ARAP2: variants seen among roughly 807,000 people sequenced by gnomAD.
ARAP2 encodes arf-GAP with Rho-GAP domain, ANK repeat and PH domain-containing protein 2.
ARAP2 carries 148 observed loss-of-function variants against 194.5 expected under a neutral mutation model. The observed-to-expected ratio is 0.76, with a 90% CI of 0.67 to 0.87. ARAP2 has a LOEUF of 0.87. Among genes scored for constraint, ARAP2 ranks in the 40% least tolerant of loss-of-function variants. The pLI is 0.00. For synonymous variants in ARAP2, 695 were observed against 683.5 expected (o/e 1.02, Z -0.26); for missense variants, 2,128 against 1,989.7 (o/e 1.07, Z -1.32).
At chr4:36,105,914 T>C (rs1390927804) in intron 27 of ARAP2, among the ~76,000 whole-genome samples, 3 of 151,836 alleles carry the variant, frequency 2.0e-5, no homozygotes, top group Admixed American at 6.6e-5. Context: ...TGTTGCAACA[T>C]GGAGAATTAG....
chr4:36,010,599 C>T (rs1455319012), intron 9 of ARAP2, among the ~76,000 whole-genome samples: 2 of 152,156 alleles, frequency 1.3e-5, no homozygotes, highest in Non-Finnish European at 2.9e-5. Context: ...TTCTCTCACC[C>T]AGTTGCCATC....
At chr4:36,057,222 T>C (rs1207544821) in intron 2 of ARAP2, among the ~76,000 whole-genome samples, 2 of 151,996 alleles carry the variant, frequency 1.3e-5, no homozygotes, top group Admixed American at 6.6e-5. Flanking sequence ...TTTCCTCTTT[T>C]ATGGTGAGAG....
chr4:36,175,063 T>C (rs978087653), intron 9 of ARAP2, among the ~76,000 whole-genome samples: 1 of 152,220 alleles, frequency 6.6e-6, no homozygotes, highest in Non-Finnish European at 1.5e-5. Flanking sequence ...ATTCATGCTA[T>C]TAAGTTATGT....
At chr4:36,156,389 GAGAAAGAAAGAAAGAA>G (rs1190805215) in intron 15 of ARAP2, among the ~76,000 whole-genome samples, 215 of 12,574 alleles carry the variant, frequency 0.017, 8 homozygotes, top group Non-Finnish European at 0.024. Flanking sequence ...AAGAGAGAGA[GAGAAAGAAAGAAAGAA>G]AGAAAGAAAG....
rs549291267 is a variant in ARAP2, at chr4:36,142,402, C to G, written c.3263+4894G>C. On this transcript the variant is annotated intron_variant, in intron 19 of 32. Transcript: ENST00000303965. ...ACATATATGCCCTTTCTGGGTCAAA[C>G]CCCTTACCTCGTTAATCCTATGAAC... Among the ~76,000 whole-genome samples, 52 of 151,580 alleles carry G rather than the reference C, an allele frequency of 3.4e-4. 2 individuals carry two copies. In the South Asian group the frequency reaches 7.1e-3, roughly 21 times the overall value.
intron 27 of ARAP2, among the ~76,000 whole-genome samples, chr4:36,099,469 TA>T (rs1716263401): frequency 6.6e-6 from 1 of 152,092 alleles, no homozygotes; most frequent in African/African-American, 2.4e-5. Context: ...CCCATTACAA[TA>T]TCGTACGCCT....
chr4:36,082,433 C>A, intron 29 of ARAP2, 147 bp from the exon 30 acceptor site: 1 of 772,950 alleles, frequency 1.3e-6, no homozygotes, highest in Non-Finnish European at 2.1e-6. Context: ...TTGGACTTAG[C>A]TAGAGGTGAA....
At chr4:36,031,080 A>G (rs1718871864) in intron 5 of ARAP2, among the ~76,000 whole-genome samples, 1 of 152,236 alleles carries the variant, frequency 6.6e-6, no homozygotes, top group Admixed American at 6.5e-5. Context: ...CAGTGAGCCA[A>G]GATCGTGCCA....
chr4:36,169,109 TA>T (rs540744790), intron 9 of ARAP2, among the ~76,000 whole-genome samples: 1 of 152,204 alleles, frequency 6.6e-6, no homozygotes, highest in Non-Finnish European at 1.5e-5. Flanking sequence ...CAAGATAAGA[TA>T]TTTTTAAAAC....
At chr4:36,205,601 GAAA>G (rs34235282) in intron 6 of ARAP2, among the ~76,000 whole-genome samples, 6,934 of 148,338 alleles carry the variant, frequency 0.047, 531 homozygotes, top group African/African-American at 0.16. Context: ...ATGGTGTCCT[GAAA>G]AAAAAAAAAA....
rs560995730 is a variant in ARAP2, at chr4:36,197,282, A to G, written c.1488-3635T>C. Among the ~76,000 whole-genome samples the G allele has an allele frequency of 3.5e-4, 53 of 152,298 alleles. No individual in the cohort carries two copies. The South Asian group carries it at 0.01, about 29-fold the overall frequency. ...GAATCCATTTCTGTTTCGTTCATCAATATAAAACCAGTGACTATCATAGTT... is the reference window on the plus strand; with the variant it reads ...GAATCCATTTCTGTTTCGTTCATCAGTATAAAACCAGTGACTATCATAGTT... On this transcript the variant is annotated intron_variant, in intron 6 of 32. Coordinates refer to ENST00000303965, the MANE Select transcript of ARAP2 (RefSeq NM_015230.4).
chr4:36,204,987 CAAAAAAAAAAAAAAAAAAAAAAAA>C (rs754960122), intron 6 of ARAP2, among the ~76,000 whole-genome samples: 1 of 35,072 alleles, frequency 2.9e-5, no homozygotes, highest in African/African-American at 1.3e-4. Flanking sequence ...GACTCCATCT[CAAAAAAAAAAAAAAAAAAAAAAAA>C]AAAAAAAAAA....
Position 36,228,233 on chromosome 4 carries a change from T to C in ARAP2, c.905+349A>G, listed in dbSNP as rs76732245. 9.8e-3 allele frequency among the ~76,000 whole-genome samples: 1,489 copies of C among 152,178 alleles called. 12 individuals carry two copies. The highest frequency in any genetic ancestry group is 0.016 in the Non-Finnish European group (1,120 of 67,992). On this transcript the variant is annotated intron_variant, in intron 2 of 32. Transcript: ENST00000303965. Reference sequence around the variant, plus strand: ...TCTCTGTCAAAGAACAAATCATCTATTGGGGAGAGAGAGTCAACATTTCAA... The same window carrying C: ...TCTCTGTCAAAGAACAAATCATCTACTGGGGAGAGAGAGTCAACATTTCAA...
chr4:36,151,101 A>T (rs1324358062), intron 15 of ARAP2, 57 bp from the exon 16 acceptor site: 118 of 1,429,890 alleles, frequency 8.3e-5, no homozygotes, highest in Non-Finnish European at 1.1e-4. Flanking sequence ...TCCAATTTTA[A>T]AAACAAAAAC....
Position 36,083,003 on chromosome 4 carries a change from C to T in ARAP2, c.4508+365G>A, listed in dbSNP as rs546982966. Among the ~76,000 whole-genome samples, 8 of 152,218 alleles carry T rather than the reference C, an allele frequency of 5.3e-5. 1 individual carries two copies. The East Asian group carries it at 1.5e-3, about 29-fold the overall frequency. ...GAAGCTGGAGGGCAGCATTTGCTTTCCTGTGTTGTAGACTTGCCTGAGATG... is the reference window on the plus strand; with the variant it reads ...GAAGCTGGAGGGCAGCATTTGCTTTTCTGTGTTGTAGACTTGCCTGAGATG... On this transcript the variant is annotated intron_variant, in intron 29 of 32. Transcript: ENST00000303965.
chr4:36,015,615 A>T (rs1715642646), exon 8 of ARAP2: 1 of 152,194 alleles, frequency 6.6e-6, no homozygotes, highest in Non-Finnish European at 1.5e-5. Flanking sequence ...ATGGGTTCCA[A>T]ATAGGAGAAG....
chr4:36,047,502 A>G (rs1432546533), intron 3 of ARAP2, among the ~76,000 whole-genome samples: 1 of 152,206 alleles, frequency 6.6e-6, no homozygotes, highest in Non-Finnish European at 1.5e-5. Flanking sequence ...TTTTAGATTC[A>G]TGCTTTCTTT....
rs186808707 is a variant in ARAP2, at chr4:36,023,614, G to A, written n.608-4328C>T. On this transcript the variant is annotated intron_variant and non_coding_transcript_variant, in intron 5 of 12. Coordinates refer to the ARAP2 transcript ENST00000503225. ...TATACTGCCTGATTTGCATCTTACT[G>A]TACCACATGTTAGTGTTTTTCCAAA... Among the ~76,000 whole-genome samples the A allele has an allele frequency of 2.6e-5, 4 of 152,124 alleles. No individual in the cohort carries two copies. The East Asian group carries it at 7.7e-4, about 29-fold the overall frequency.
chr4:36,227,917 G>T (rs6531423), intron 2 of ARAP2, among the ~76,000 whole-genome samples: 131,704 of 152,148 alleles, frequency 0.87, 57,310 homozygotes, highest in Middle Eastern at 0.93. Context: ...ATCCTCCTGT[G>T]ACCTCAGGAT....
Sources: allele counts gnomAD v4.1 joint callset (sites outside exome capture counted in the v4.1 genomes callset), GRCh38; gene constraint gnomAD v4.1.1; transcripts MANE v1.5; gene names NCBI Gene and HGNC (gene_info 2026-07-23, HGNC 2026-07-21).